DYNC1LI2: variants seen among roughly 807,000 people sequenced by gnomAD.
DYNC1LI2 encodes dynein cytoplasmic 1 light intermediate chain 2, also known as cytoplasmic dynein 1 light intermediate chain 2.
Under a neutral mutation model 57.8 loss-of-function variants are expected in DYNC1LI2, and 19 were observed. That is an observed-to-expected ratio of 0.33 (90% CI 0.23 to 0.48). The LOEUF (loss-of-function observed/expected upper bound fraction) is 0.48. DYNC1LI2 is among the 20% of genes least tolerant of loss of function. The pLI is 0.99. For missense variants in DYNC1LI2, 470 were observed against 604.2 expected, an observed-to-expected ratio of 0.78 and a Z score of 2.33; for synonymous variants, 256 against 233.4, an observed-to-expected ratio of 1.10 and a Z score of -0.88.
At chr16:66,742,751 C>A in intron 3 of DYNC1LI2, 83 bp from the exon 4 acceptor site, 2 of 1,450,084 alleles carry the variant, frequency 1.4e-6, no homozygotes, top group Non-Finnish European at 9.4e-7. Context: ...TCAGGAAGAT[C>A]TTGAAGGTGA....
chr16:66,741,892 A>C (rs891965184), intron 4 of DYNC1LI2, among the ~76,000 whole-genome samples: 4 of 100,232 alleles, frequency 4.0e-5, no homozygotes, highest in Non-Finnish European at 7.9e-5. Flanking sequence ...CTTTCATGTT[A>C]ATTACAAAAA....
intron 2 of DYNC1LI2, among the ~76,000 whole-genome samples, chr16:66,750,112 G>A (rs2018015412): frequency 1.3e-5 from 2 of 152,188 alleles, no homozygotes; most frequent in Admixed American, 1.3e-4. Flanking sequence ...AGACCAAGGT[G>A]AGGACCTGTC....
At chr16:66,725,045 G>A (rs1183186934) in intron 12 of DYNC1LI2, among the ~76,000 whole-genome samples, 6 of 151,800 alleles carry the variant, frequency 4.0e-5, no homozygotes, top group African/African-American at 7.3e-5. Context: ...GTGGTGGCGC[G>A]TGCCTGTAGT....
chr16:66,732,323 G>T lies in DYNC1LI2; in HGVS notation c.929+16C>A. ...TAAAAAGAAGAGTTTCAAAGCATCA[G>T]CTCAAAATAACTCACATAAAAACGG... On this transcript the variant is annotated intron_variant, in intron 7 of 12. Transcript: ENST00000258198. 1 of 1,608,128 alleles carries T rather than the reference G, an allele frequency of 6.2e-7. No homozygotes were observed. The highest frequency in any genetic ancestry group is 8.5e-7 in the Non-Finnish European group (1 of 1,178,466).
rs1339082142 is a variant in DYNC1LI2 at position 66,742,361 on chromosome 16, T to C, written c.529+77A>G. 9 of 1,453,092 alleles carry C rather than the reference T, an allele frequency of 6.2e-6. No homozygotes were observed. In the Admixed American group the frequency reaches 9.8e-5, roughly 16 times the overall value. 90.0% of individuals were successfully genotyped at this position (1,453,092 alleles called of 1,614,324 possible). ...CACGAAGCAAGGGAAGCCTCTAGGA[T>C]TGGGAAAAGGAAAGTGATTCAAACC... is the stretch of plus-strand genomic sequence containing the variant. On this transcript the variant is annotated intron_variant, in intron 4 of 12. Transcript: ENST00000258198.
chr16:66,742,338 C>T (rs568067538), intron 4 of DYNC1LI2, 100 bp downstream of exon 4: 15 of 1,241,476 alleles, frequency 1.2e-5, no homozygotes, highest in African/African-American at 1.5e-5. Flanking sequence ...AACAAAACCA[C>T]GAAGCAAGGG....
Position 66,751,557 on chromosome 16 carries a change from A to G in DYNC1LI2, c.35T>C (p.Leu12Pro). ...APVGVEKKLL[L>P]GPNGPAVAAA... ...CGCCACCGCGGGCCCGTTGGGACCT[A>G]GCAGCAGCTTCTTCTCCACCCCCAC... The change falls in exon 1 of 13, where the codon CTA becomes CCA. Residue 12 changes from leucine to proline, a missense_variant. By Grantham distance (98) the Leu-to-Pro change is moderately conservative. Coordinates refer to ENST00000258198, the MANE Select transcript of DYNC1LI2 (RefSeq NM_006141.3). The surrounding 1 kb of genome is among the most constrained non-coding windows in gnomAD (Gnocchi z 5.2). 1.9e-6 allele frequency: 3 copies of G among 1,585,128 alleles called. No individual in the cohort carries two copies. Among genetic ancestry groups the G allele is most frequent in the Non-Finnish European group, 2.6e-6 (3 of 1,168,170 alleles).
intron 5 of DYNC1LI2, among the ~76,000 whole-genome samples, chr16:66,735,633 A>G (rs1308071197): frequency 2.0e-5 from 3 of 152,006 alleles, no homozygotes; most frequent in African/African-American, 4.8e-5. Context: ...CAGCCTCCCA[A>G]GTAGCTGGGA....
intron 2 of DYNC1LI2, 132 bp from the exon 3 acceptor site, chr16:66,749,445 A>C: frequency 1.1e-6 from 1 of 893,622 alleles, no homozygotes; most frequent in South Asian, 1.5e-5. Context: ...ACCTGCTTTC[A>C]TAAACAAAGG....
At position 66,732,153 on chromosome 16, in the gene DYNC1LI2, T is replaced by C; in HGVS notation, c.929+186A>G. On this transcript the variant is annotated intron_variant, in intron 7 of 12. Coordinates refer to ENST00000258198, the MANE Select transcript of DYNC1LI2 (RefSeq NM_006141.3). ...TCTCGAGGAAGAAAGGCAGCACCCCTGACCACACCACCCACTTCCCTCAGG... is the reference window on the plus strand; with the variant it reads ...TCTCGAGGAAGAAAGGCAGCACCCCCGACCACACCACCCACTTCCCTCAGG... The C allele has an allele frequency of 5.1e-6, 4 of 783,250 alleles. No homozygotes were observed. The South Asian group carries it at 8.8e-5, about 17-fold the overall frequency. The allele number at this position is 783,250 out of a possible 1,614,324, so 48.5% of individuals were successfully genotyped here. A position where few individuals can be genotyped will look rare whatever the true frequency, so the allele number is the denominator to read the frequency against.
chr16:66,729,017 TCTAAC>T lies in DYNC1LI2; in HGVS notation c.1101+18_1101+22del. 6.2e-7 allele frequency: 1 copy of T among 1,613,906 alleles called. No homozygotes were observed. The highest frequency in any genetic ancestry group is 8.5e-7 in the Non-Finnish European group (1 of 1,179,790). The stretch of plus-strand genomic sequence containing the variant: ...ATTTCATGCATGAGAAGGCCTCTGT[TCTAAC>T]CTCACTGGTCTTCTTACCTGTTGCT... On this transcript the variant is annotated intron_variant, in intron 9 of 12. Coordinates refer to ENST00000258198, the MANE Select transcript of DYNC1LI2 (RefSeq NM_006141.3).
intron 3 of DYNC1LI2, among the ~76,000 whole-genome samples, chr16:66,745,497 C>A (rs1056643253): frequency 4.0e-5 from 6 of 151,078 alleles, no homozygotes; most frequent in Non-Finnish European, 8.9e-5. Context: ...AGGCTGGTCC[C>A]GAACTCCTGG....
chr16:66,729,179 T>A lies in DYNC1LI2; in HGVS notation c.1042-80A>T, dbSNP rs1220750007. 2.6e-5 allele frequency: 39 copies of A among 1,512,034 alleles called. No homozygotes were observed. In the East Asian group the frequency reaches 8.8e-4, roughly 34 times the overall value. The allele number at this position is 1,512,034 out of a possible 1,614,324, so 93.7% of individuals were successfully genotyped here. ...GTCAAACTTCATGCCGAAAGGAGAG[T>A]CCGAGGCTCAGGCTTCAACACAGGT... On this transcript the variant is annotated intron_variant, in intron 8 of 12. Transcript: ENST00000258198.
At chr16:66,743,711 G>A (rs1434058674) in intron 3 of DYNC1LI2, among the ~76,000 whole-genome samples, 1 of 152,100 alleles carries the variant, frequency 6.6e-6, no homozygotes, top group Non-Finnish European at 1.5e-5. Flanking sequence ...CTGTGCTGAA[G>A]AGCCTATGTT....
At chr16:66,742,715 T>A in intron 3 of DYNC1LI2, 47 bp from the exon 4 acceptor site, 1 of 1,565,710 alleles carries the variant, frequency 6.4e-7, no homozygotes, top group Non-Finnish European at 8.7e-7. Context: ...ACAGTGACCA[T>A]CAGCATAGCT....
chr16:66,728,336 G>T, intron 9 of DYNC1LI2, 94 bp from the exon 10 acceptor site: 2 of 1,427,322 alleles, frequency 1.4e-6, no homozygotes, highest in Non-Finnish European at 2.0e-6. Context: ...CCACTAGAGG[G>T]CACTATTAAC....
chr16:66,737,706 A>G (rs1206957379), intron 4 of DYNC1LI2, among the ~76,000 whole-genome samples: 1 of 152,118 alleles, frequency 6.6e-6, no homozygotes, highest in African/African-American at 2.4e-5. Context: ...CCTGCCTAAC[A>G]CAAGAAAGGG....
chr16:66,748,277 C>CACA (rs2017975003), intron 3 of DYNC1LI2, among the ~76,000 whole-genome samples: 1 of 66,054 alleles, frequency 1.5e-5, no homozygotes, highest in African/African-American at 5.6e-5. Flanking sequence ...AACCCTGTCT[C>CACA]AAAAAAAAAA....
At chr16:66,739,619 G>C (rs1045746547) in intron 4 of DYNC1LI2, among the ~76,000 whole-genome samples, 1 of 151,898 alleles carries the variant, frequency 6.6e-6, no homozygotes, top group Non-Finnish European at 1.5e-5. Flanking sequence ...TAGAGACAGG[G>C]TTTCGCCATG....
Sources: gnomAD v4.1 joint callset for allele counts (sites outside exome capture counted in the v4.1 genomes callset) on GRCh38, gnomAD v4.1.1 for gene constraint, Gnocchi (gnomAD v3.1) non-coding constraint, MANE v1.5 for transcripts, NCBI Gene and HGNC (gene_info 2026-07-23, HGNC 2026-07-21) for gene names.